Variants in TOP1 observed in about 807,000 individuals in gnomAD.
TOP1 encodes DNA topoisomerase 1.
In TOP1, 10 loss-of-function variants were observed where a neutral mutation model predicts 111.1. That is an observed-to-expected ratio of 0.09 (90% CI 0.06 to 0.15). The LOEUF is 0.15. Ranked by LOEUF, TOP1 falls within the 10% of genes least tolerant of loss-of-function variation. The pLI, the probability that TOP1 is intolerant of heterozygous loss-of-function variation, is 1.00. For synonymous variants in TOP1, 271 were observed against 302.9 expected, an observed-to-expected ratio of 0.89 and a Z score of 1.10; for missense variants, 474 against 926.7, an observed-to-expected ratio of 0.51 and a Z score of 6.34.
chr20:41,040,844 T>A (rs1469568202), intron 2 of TOP1, among the ~76,000 whole-genome samples: 1 of 151,852 alleles, frequency 6.6e-6, no homozygotes. Context: ...AGGTTCTGTT[T>A]AAGTAGTATT....
rs572369598 is a variant in TOP1 at position 41,030,488 on chromosome 20, T to C, written c.58+1033T>C. ...ATCAAGAACTGGCTTTTTTTTTTTT[T>C]CCCAATTCTTTATGTTTTTGAACCC... On this transcript the variant is annotated intron_variant, in intron 2 of 20. Transcript: ENST00000361337. This position sits in a 1 kb window ranked among gnomAD's most constrained non-coding sequence, Gnocchi z 4.1. 3.0e-3 allele frequency among the ~76,000 whole-genome samples: 456 copies of C among 152,054 alleles called. No individual in the cohort carries two copies. The highest frequency in any genetic ancestry group is 8.4e-3 in the African/African-American group (346 of 41,418).
chr20:41,121,027 A>T lies in TOP1; in HGVS notation c.1951-669A>T, dbSNP rs980446241. On this transcript the variant is annotated intron_variant, in intron 18 of 20. Transcript: ENST00000361337. The surrounding 1 kb of genome is among the most constrained non-coding windows in gnomAD (Gnocchi z 4.2). Reference sequence around the variant, plus strand: ...AAAGTGCTGGGATTACAGGCGTGAGACACCGCGCCTGGTGACCGCTCTCCT... The same window carrying T: ...AAAGTGCTGGGATTACAGGCGTGAGTCACCGCGCCTGGTGACCGCTCTCCT... Among the ~76,000 whole-genome samples, 9 of 152,150 alleles carry T rather than the reference A, an allele frequency of 5.9e-5. No individual in the cohort carries two copies. Among genetic ancestry groups the T allele is most frequent in the Admixed American group, 2.6e-4 (4 of 15,280 alleles).
At chr20:41,099,973 C>T (rs2034036767) in intron 11 of TOP1, 83 bp from the exon 12 acceptor site, 5 of 920,004 alleles carry the variant, frequency 5.4e-6, no homozygotes, top group Admixed American at 5.3e-5. Flanking sequence ...TCTACCTTGA[C>T]TTAGTCTCCC....
chr20:41,122,340 A>G lies in TOP1; in HGVS notation c.2195+185A>G, dbSNP rs2034436367. Among the ~76,000 whole-genome samples the G allele has an allele frequency of 6.6e-6, 1 of 152,222 alleles. No homozygotes were observed. The highest frequency in any genetic ancestry group is 2.4e-5 in the African/African-American group (1 of 41,464). On this transcript the variant is annotated intron_variant, in intron 20 of 20. Coordinates refer to ENST00000361337, the MANE Select transcript of TOP1 (RefSeq NM_003286.4). The surrounding 1 kb of genome is among the most constrained non-coding windows in gnomAD (Gnocchi z 5.4). ...GAACCTTGTCTGTAAATGCATTGCA[A>G]CATTCTGGTTGCTCCTAAATGGTCA...
intron 3 of TOP1, 89 bp from the exon 4 acceptor site, chr20:41,076,082 C>T: frequency 7.0e-7 from 1 of 1,420,408 alleles, no homozygotes; most frequent in Non-Finnish European, 9.5e-7. Flanking sequence ...TGTAAGTTTC[C>T]ACGGTTCATG....
rs1372886354 is a variant in TOP1 at position 41,082,423 on chromosome 20, T to G, written c.507+1183T>G. 1.3e-5 allele frequency among the ~76,000 whole-genome samples: 2 copies of G among 152,186 alleles called. No homozygotes were observed. The highest frequency in any genetic ancestry group is 2.9e-5 in the Non-Finnish European group (2 of 68,022). On this transcript the variant is annotated intron_variant, in intron 7 of 20. Transcript: ENST00000361337. The surrounding 1 kb of genome is among the most constrained non-coding windows in gnomAD (Gnocchi z 4.1). ...ATGCAGAAATAGAGTATAGAAATAT[T>G]TAATCATTTGCCTGAGGTCACATAG...
At chr20:41,057,455 C>A (rs1243695227) in intron 2 of TOP1, among the ~76,000 whole-genome samples, 1 of 151,740 alleles carries the variant, frequency 6.6e-6, no homozygotes, top group Non-Finnish European at 1.5e-5. Context: ...TTCAATTTAT[C>A]CTTTACTTAA....
chr20:41,091,649 T>G (rs770364336), intron 8 of TOP1, among the ~76,000 whole-genome samples: 3 of 142,366 alleles, frequency 2.1e-5, no homozygotes, highest in Non-Finnish European at 3.0e-5. Context: ...CTCTGCCTCC[T>G]GGGTTCAAGC....
chr20:41,029,622 C>T lies in TOP1; in HGVS notation c.58+167C>T. ...ATCGGGCCGCCTCTTGACCCCCTTT[C>T]CGGGGACCCCAGCTCCTCCAGATCC... On this transcript the variant is annotated intron_variant, in intron 2 of 20. Transcript: ENST00000361337. This position sits in a 1 kb window ranked among gnomAD's most constrained non-coding sequence, Gnocchi z 6.1. 1.5e-6 allele frequency: 1 copy of T among 680,968 alleles called. No homozygotes were observed. Among genetic ancestry groups the T allele is most frequent in the Non-Finnish European group, 2.6e-6 (1 of 377,432 alleles). The allele number at this position is 680,968 out of a possible 1,614,324, so 42.2% of individuals were successfully genotyped here.
At chr20:41,066,847 C>T (rs2033614955) in intron 3 of TOP1, among the ~76,000 whole-genome samples, 1 of 152,264 alleles carries the variant, frequency 6.6e-6, no homozygotes, top group South Asian at 2.1e-4. Context: ...AGCCACCGCG[C>T]CTGGCCACTT....
Position 41,106,233 on chromosome 20 carries a change from C to T in TOP1, c.1308+4880C>T, listed in dbSNP as rs1044947167. On this transcript the variant is annotated intron_variant, in intron 13 of 20. Transcript: ENST00000361337. This position sits in a 1 kb window ranked among gnomAD's most constrained non-coding sequence, Gnocchi z 4.3. ...GGCTGTCTGTCCTCTTTAATTAGTTCGTGTATCTGTTTCTGCATCAGTAGC... is the reference window on the plus strand; with the variant it reads ...GGCTGTCTGTCCTCTTTAATTAGTTTGTGTATCTGTTTCTGCATCAGTAGC... Among the ~76,000 whole-genome samples, 17 of 152,144 alleles carry T rather than the reference C, an allele frequency of 1.1e-4. No homozygotes were observed. The East Asian group carries it at 1.4e-3, about 12-fold the overall frequency.
rs535115632 is a variant in TOP1, at chr20:41,088,530, T to G, written c.615-3942T>G. Among the ~76,000 whole-genome samples the G allele has an allele frequency of 5.3e-5, 8 of 151,962 alleles. No individual in the cohort carries two copies. The South Asian group carries it at 1.7e-3, about 32-fold the overall frequency. ...AAAATAAATAAATAAATAAAAACAC[T>G]GTAGTCGATGAGAAGAATGGTGCCA... On this transcript the variant is annotated intron_variant, in intron 8 of 20. Transcript: ENST00000361337.
intron 2 of TOP1, among the ~76,000 whole-genome samples, chr20:41,054,198 C>G (rs538865434): frequency 4.1e-4 from 62 of 152,196 alleles, no homozygotes; most frequent in Non-Finnish European, 8.1e-4. Context: ...TGGGAGGGAC[C>G]CGGTGGGAGG....
At chr20:41,074,375 A>G (rs1044797713) in intron 3 of TOP1, among the ~76,000 whole-genome samples, 1 of 152,204 alleles carries the variant, frequency 6.6e-6, no homozygotes, top group Non-Finnish European at 1.5e-5. Flanking sequence ...AGTTAAAAAG[A>G]ATTTTCCTCC....
rs762095972 is a variant in TOP1 at position 41,080,050 on chromosome 20, C to T, written c.336-35C>T. On this transcript the variant is annotated intron_variant, in intron 5 of 20. Transcript: ENST00000361337. This position sits in a 1 kb window ranked among gnomAD's most constrained non-coding sequence, Gnocchi z 5.0. ...TTTGTATTAATAGAATACAGATGTT[C>T]TAGCACTCTGACCAGCAATTTTTTT... 3 of 1,248,626 alleles carry T rather than the reference C, an allele frequency of 2.4e-6. No homozygotes were observed. Among genetic ancestry groups the T allele is most frequent in the African/African-American group, 3.0e-5 (2 of 67,080 alleles). The allele number at this position is 1,248,626 out of a possible 1,614,324, so 77.3% of individuals were successfully genotyped here. A position where few individuals can be genotyped will look rare whatever the true frequency, so the allele number is the denominator to read the frequency against.
intron 2 of TOP1, among the ~76,000 whole-genome samples, chr20:41,048,843 A>G (rs2033366152): frequency 6.6e-6 from 1 of 152,222 alleles, no homozygotes; most frequent in Non-Finnish European, 1.5e-5. Flanking sequence ...AACCAGAGGA[A>G]GATAAGAAGA....
In TOP1 at chr20:41,112,698, G is replaced by C; in HGVS notation, c.1309-84G>C. 1 of 1,457,906 alleles carries C rather than the reference G, an allele frequency of 6.9e-7. No individual in the cohort carries two copies. The highest frequency in any genetic ancestry group is 9.4e-7 in the Non-Finnish European group (1 of 1,068,846). The allele number at this position is 1,457,906 out of a possible 1,614,324, so 90.3% of individuals were successfully genotyped here. On this transcript the variant is annotated intron_variant, in intron 13 of 20. Transcript: ENST00000361337. This position sits in a 1 kb window ranked among gnomAD's most constrained non-coding sequence, Gnocchi z 5.8. ...ATTAGCTAGCTGGGATTATAGGCTT[G>C]CGCCACCTTGCCTGGCTATATTCAA...
Position 41,098,470 on chromosome 20 carries a change from C to G in TOP1, c.975+133C>G. ...CATTCTATGCTAAAGACTTAGAGTT[C>G]TCAAAGTCTAAATTTTCTTAAAGGT... On this transcript the variant is annotated intron_variant, in intron 11 of 20. Transcript: ENST00000361337. This position sits in a 1 kb window ranked among gnomAD's most constrained non-coding sequence, Gnocchi z 5.7. 1 of 1,039,792 alleles carries G rather than the reference C, an allele frequency of 9.6e-7. No individual in the cohort carries two copies. Among genetic ancestry groups the G allele is most frequent in the Non-Finnish European group, 1.4e-6 (1 of 729,798 alleles). The allele number at this position is 1,039,792 out of a possible 1,614,324, so 64.4% of individuals were successfully genotyped here.
intron 9 of TOP1, among the ~76,000 whole-genome samples, chr20:41,096,105 T>C (rs2033978305): frequency 1.3e-5 from 2 of 152,186 alleles, no homozygotes; most frequent in African/African-American, 2.4e-5. Context: ...CTCAGTCTGT[T>C]GCCCAGGCTG....
Sources: allele counts gnomAD v4.1 joint callset (sites outside exome capture counted in the v4.1 genomes callset), GRCh38; gene constraint gnomAD v4.1.1; non-coding constraint Gnocchi (gnomAD v3.1); transcripts MANE v1.5; gene names NCBI Gene and HGNC (gene_info 2026-07-23, HGNC 2026-07-21).